The following ATAD3C variants were observed in gnomAD, a reference collection of about 807,000 sequenced individuals.
ATAD3C encodes ATPase family AAA domain containing 3C, also known as ATPase family AAA domain-containing protein 3C.
A neutral mutation model predicts 46.3 loss-of-function variants in ATAD3C; 38 were observed. The ratio of observed to expected loss-of-function variants is 0.82; its 90% CI spans 0.63 to 1.08. The LOEUF (loss-of-function observed/expected upper bound fraction) is 1.08, where lower values mean the gene tolerates loss of function less well. ATAD3C is among the 50% of genes least tolerant of loss of function. ATAD3C has a pLI of 0.00. For synonymous variants in ATAD3C, 220 were observed against 236.4 expected (o/e 0.93, Z 0.63); for missense variants, 563 against 572.7 (o/e 0.98, Z 0.17).
At chr1:1,452,499 G>A in intron 3 of ATAD3C, 65 bp downstream of exon 3, 2 of 1,610,314 alleles carry the variant, frequency 1.2e-6, no homozygotes, top group Non-Finnish European at 1.7e-6. Context: ...GCCTCCTGGA[G>A]CCACAGGTCC....
intron 11 of ATAD3C, 103 bp from the exon 12 acceptor site, chr1:1,468,281 C>T: frequency 6.8e-7 from 1 of 1,470,004 alleles, no homozygotes; most frequent in Non-Finnish European, 9.0e-7. Flanking sequence ...TCAGGCCATC[C>T]TGGAGCCCCT....
intron 3 of ATAD3C, among the ~76,000 whole-genome samples, chr1:1,452,980 C>T (rs1231078839): frequency 6.6e-6 from 1 of 151,988 alleles, no homozygotes; most frequent in Non-Finnish European, 1.5e-5. Context: ...CGCCCCACGT[C>T]GCACATGGCT....
chr1:1,451,193 A>G (rs1250092585), intron 1 of ATAD3C, among the ~76,000 whole-genome samples: 1 of 151,566 alleles, frequency 6.6e-6, no homozygotes, highest in African/African-American at 2.4e-5. Flanking sequence ...GGCACCTGCC[A>G]CCACGCCCAG....
chr1:1,455,895 C>A lies in ATAD3C; in HGVS notation c.543C>A (p.Thr181=), dbSNP rs549192663. ...RHILLYGPPG[T]GKTLFAKKLA... is the part of the protein sequence containing the mutation. Reference sequence around the variant, plus strand: ...TCCTGCTGTACGGGCCACCAGGCACCGGGAAGACGCTGTTTGCCAAGGTGA... The same window carrying A: ...TCCTGCTGTACGGGCCACCAGGCACAGGGAAGACGCTGTTTGCCAAGGTGA... Residue 181 remains threonine, a synonymous_variant, in exon 6 of 12, where the codon ACC becomes ACA. Coordinates refer to ENST00000378785, the MANE Select transcript of ATAD3C (RefSeq NM_001039211.3). 6.2e-7 allele frequency: 1 copy of A among 1,613,254 alleles called. No individual in the cohort carries two copies. The highest frequency in any genetic ancestry group is 1.7e-5 in the Admixed American group (1 of 59,966).
intron 10 of ATAD3C, among the ~76,000 whole-genome samples, chr1:1,461,133 G>C (rs1215866029): frequency 6.6e-6 from 1 of 152,002 alleles, no homozygotes; most frequent in East Asian, 1.9e-4. Flanking sequence ...CCTGAGAACA[G>C]CCTGGTGGCG....
chr1:1,461,656 A>G (rs1639067953), intron 10 of ATAD3C, among the ~76,000 whole-genome samples: 1 of 150,660 alleles, frequency 6.6e-6, no homozygotes, highest in South Asian at 2.1e-4. Context: ...GACTGGAGGG[A>G]GAGGCTCCTC....
In ATAD3C at chr1:1,468,455, C is replaced by T. The variant is rs1378920191; in HGVS notation, c.1161C>T (p.Val387=). The T allele has an allele frequency of 1.2e-6, 2 of 1,612,742 alleles. No individual in the cohort carries two copies. Among genetic ancestry groups the T allele is most frequent in the African/African-American group, 1.3e-5 (1 of 74,884 alleles). The change falls in exon 12 of 12, where the codon GTC becomes GTT. Residue 387 remains valine, a synonymous_variant. Coordinates refer to ENST00000378785, the MANE Select transcript of ATAD3C (RefSeq NM_001039211.3). ...TGGACGCCTGCGTGCAAGACTTTGT[C>T]CAGCAGCACCAGCAGATGATGCGCT... ...AMMDACVQDF[V]QQHQQMMRWL... is the part of the protein sequence containing the mutation.
At chr1:1,455,249 A>C (rs1638935645) in intron 4 of ATAD3C, among the ~76,000 whole-genome samples, 1 of 150,624 alleles carries the variant, frequency 6.6e-6, no homozygotes, top group Admixed American at 6.6e-5. Flanking sequence ...AAAAACCCAG[A>C]AAAAAGAGAA....
Position 1,468,427 on chromosome 1 carries a change from T to A in ATAD3C, c.1133T>A (p.Met378Lys). ...AAGGACGGGGTCCTGACCGAGGCCATGATGGACGCCTGCGTGCAAGACTTT... is the reference window on the plus strand; with the variant it reads ...AAGGACGGGGTCCTGACCGAGGCCAAGATGGACGCCTGCGTGCAAGACTTT... ...ASKDGVLTEAMMDACVQDFVQ... is the reference protein window; with the variant it reads ...ASKDGVLTEAKMDACVQDFVQ... The change falls in exon 12 of 12, where the codon ATG becomes AAG. Residue 378 changes from methionine (M) to lysine (K), a missense_variant. By Grantham distance (95) the Met-to-Lys change is moderately conservative. Coordinates refer to ENST00000378785, the MANE Select transcript of ATAD3C (RefSeq NM_001039211.3). 6.2e-7 allele frequency: 1 copy of A among 1,613,104 alleles called. No individual in the cohort carries two copies. The highest frequency in any genetic ancestry group is 2.2e-5 in the East Asian group (1 of 44,862).
At chr1:1,452,582 G>T in intron 3 of ATAD3C, 148 bp downstream of exon 3, 1 of 1,335,346 alleles carries the variant, frequency 7.5e-7, no homozygotes, top group Non-Finnish European at 1.0e-6. Flanking sequence ...CCTGCTGGTG[G>T]GAGCCGCTCC....
Position 1,454,329 on chromosome 1 carries a change from G to A in ATAD3C, c.223-16G>A, listed in dbSNP as rs552167689. 3.0e-5 allele frequency: 48 copies of A among 1,594,356 alleles called. No homozygotes were observed. The highest frequency in any genetic ancestry group is 1.4e-4 in the Admixed American group (8 of 57,292). On this transcript the variant is annotated splice_polypyrimidine_tract_variant and intron_variant, in intron 3 of 11. Transcript: ENST00000378785. ...ACGGTGGGGGCCGGTGCGCCAGTGC[G>A]GTGTCTCTGCTGCAGGTGGCTGGGC... is the stretch of plus-strand genomic sequence containing the variant.
rs867809979 is a variant in ATAD3C at position 1,461,692 on chromosome 1, G to A, written c.980+775G>A. ...ATGAGACCCCCATGTAGGGACTGGA[G>A]GGAGAGGCTCCTCATGAGACCCCCA... On this transcript the variant is annotated intron_variant, in intron 10 of 11. Coordinates refer to ENST00000378785, the MANE Select transcript of ATAD3C (RefSeq NM_001039211.3). Among the ~76,000 whole-genome samples the A allele has an allele frequency of 2.0e-3, 301 of 147,240 alleles. 5 individuals carry two copies. The highest frequency in any genetic ancestry group is 7.2e-3 in the African/African-American group (287 of 39,632).
In ATAD3C at chr1:1,468,621, G is replaced by A. The variant is rs149123833; in HGVS notation, c.*91G>A. ...CCCGCACATTTAGGAAATACTCCCC[G>A]TAATAAAGTCCCACGGGGGCCGCAC... On this transcript the variant is annotated 3_prime_UTR_variant, in exon 12 of 12. Coordinates refer to ENST00000378785, the MANE Select transcript of ATAD3C (RefSeq NM_001039211.3). 18 of 1,585,286 alleles carry A rather than the reference G, an allele frequency of 1.1e-5. No individual in the cohort carries two copies. The highest frequency in any genetic ancestry group is 6.8e-5 in the East Asian group (3 of 44,252).
intron 11 of ATAD3C, among the ~76,000 whole-genome samples, chr1:1,465,540 G>A (rs1639131313): frequency 2.1e-5 from 3 of 146,126 alleles, no homozygotes; most frequent in East Asian, 2.0e-4. Context: ...GCAGTGAGCC[G>A]AGATCGTGCC....
Position 1,453,691 on chromosome 1 carries a change from G to T in ATAD3C, c.223-654G>T, listed in dbSNP as rs192434703. 7.4e-5 allele frequency among the ~76,000 whole-genome samples: 11 copies of T among 149,114 alleles called. 1 individual carries two copies. The highest frequency in any genetic ancestry group is 1.5e-4 in the Non-Finnish European group (10 of 67,782). ...TTTCCCTGTTGTTGCCCAGGCTTGA[G>T]TGTGACGGCGCAGTCTGGGCTCACT... On this transcript the variant is annotated intron_variant, in intron 3 of 11. Transcript: ENST00000378785.
At chr1:1,451,434 C>G (rs1454473081) in intron 1 of ATAD3C, among the ~76,000 whole-genome samples, 3 of 151,808 alleles carry the variant, frequency 2.0e-5, no homozygotes, top group Admixed American at 6.6e-5. Flanking sequence ...GCAACCTCTG[C>G]CTCCTGGGTT....
intron 11 of ATAD3C, among the ~76,000 whole-genome samples, chr1:1,465,156 G>C (rs1639126032): frequency 1.3e-5 from 2 of 151,676 alleles, no homozygotes; most frequent in Non-Finnish European, 2.9e-5. Context: ...AAAGTGCTGG[G>C]ATTCATTCAG....
chr1:1,467,614 G>C (rs1167361079), intron 11 of ATAD3C, among the ~76,000 whole-genome samples: 2 of 152,036 alleles, frequency 1.3e-5, no homozygotes, highest in Non-Finnish European at 2.9e-5. Flanking sequence ...AGGCATAGCT[G>C]GGATGGGGCT....
At chr1:1,458,677 C>A (rs1007698004) in intron 8 of ATAD3C, among the ~76,000 whole-genome samples, 1 of 151,450 alleles carries the variant, frequency 6.6e-6, no homozygotes, top group Non-Finnish European at 1.5e-5. Flanking sequence ...CTTGCCTTGA[C>A]CTTCTGAAGT....
Sources: allele counts gnomAD v4.1 joint callset (sites outside exome capture counted in the v4.1 genomes callset), GRCh38; gene constraint gnomAD v4.1.1; transcripts MANE v1.5; gene names NCBI Gene and HGNC (gene_info 2026-07-23, HGNC 2026-07-21).